The following SMCO4 variants were observed in gnomAD, a reference collection of about 807,000 sequenced individuals.
The protein encoded by SMCO4 is single-pass membrane and coiled-coil domain-containing protein 4.
SMCO4 carries 4 observed loss-of-function variants against 3.6 expected under a neutral mutation model. The observed-to-expected ratio is 1.11, with a 90% CI of 0.54 to 2.53. SMCO4 has a LOEUF of 2.53. Among genes scored for constraint, SMCO4 ranks in the 30% most tolerant of loss-of-function variants. The pLI, the probability that SMCO4 is intolerant of heterozygous loss-of-function variation, is 0.02. For missense variants in SMCO4, 70 were observed against 80.8 expected (o/e 0.87, Z 0.51); for synonymous variants, 36 against 35.3 (o/e 1.02, Z -0.07).
the SMCO4 span, among the ~76,000 whole-genome samples, chr11:93,550,049 T>A: frequency 1.3e-5 from 2 of 152,250 alleles, no homozygotes; most frequent in South Asian, 4.2e-4. Flanking sequence ...TACTGAAAAG[T>A]TCAACCCAAA....
chr11:93,518,822 A>C (rs749528560), intron 1 of SMCO4, among the ~76,000 whole-genome samples: 1 of 152,224 alleles, frequency 6.6e-6, no homozygotes, highest in Admixed American at 6.5e-5. Flanking sequence ...GTGACTGGCT[A>C]TAAGACTTTT....
intron 2 of SMCO4, among the ~76,000 whole-genome samples, chr11:93,484,502 T>A (rs951529175): frequency 1.9e-4 from 29 of 152,266 alleles, no homozygotes; most frequent in African/African-American, 6.5e-4. Context: ...CCGACTCTCC[T>A]CCTCTGTAAA....
chr11:93,498,712 A>G (rs1948803792), intron 2 of SMCO4, among the ~76,000 whole-genome samples: 1 of 152,268 alleles, frequency 6.6e-6, no homozygotes, highest in Non-Finnish European at 1.5e-5. Context: ...CTCAAAGATC[A>G]TAATGTATTT....
At chr11:93,486,008 G>A (rs1197472523) in intron 2 of SMCO4, among the ~76,000 whole-genome samples, 1 of 152,164 alleles carries the variant, frequency 6.6e-6, no homozygotes, top group Non-Finnish European at 1.5e-5. Context: ...CCAACTGAAT[G>A]AGGATTTGAA....
intron 2 of SMCO4, among the ~76,000 whole-genome samples, chr11:93,482,788 T>C (rs1948607485): frequency 6.6e-6 from 1 of 152,238 alleles, no homozygotes; most frequent in South Asian, 2.1e-4. Flanking sequence ...CAAGCCCCTC[T>C]GTCTTCCGGT....
At chr11:93,536,579 T>C (rs1211550280) in intron 1 of SMCO4, among the ~76,000 whole-genome samples, 2 of 152,084 alleles carry the variant, frequency 1.3e-5, no homozygotes, top group African/African-American at 2.4e-5. Context: ...AGGAAAACCA[T>C]AGTGTATTTG....
chr11:93,479,802 T>C (rs1948571037), intron 2 of SMCO4, among the ~76,000 whole-genome samples: 1 of 152,120 alleles, frequency 6.6e-6, no homozygotes, highest in Non-Finnish European at 1.5e-5. Flanking sequence ...CCTTGGCCCA[T>C]TCATCCAAAC....
intron 1 of SMCO4, among the ~76,000 whole-genome samples, chr11:93,500,083 T>C (rs1948819730): frequency 6.6e-6 from 1 of 152,230 alleles, no homozygotes; most frequent in Non-Finnish European, 1.5e-5. Context: ...CAAGACATAA[T>C]TGAGTAATGG....
intron 2 of SMCO4, among the ~76,000 whole-genome samples, chr11:93,490,458 T>C (rs1278446096): frequency 2.0e-5 from 3 of 152,152 alleles, no homozygotes; most frequent in African/African-American, 7.2e-5. Context: ...CAAACTGAAA[T>C]CAGAGTTTTA....
Position 93,497,168 on chromosome 11 carries a change from C to CT in SMCO4, c.-81+2107dup, listed in dbSNP as rs531814261. 1.1e-4 allele frequency among the ~76,000 whole-genome samples: 16 copies of CT among 152,274 alleles called. No homozygotes were observed. In the South Asian group the frequency reaches 2.9e-3, roughly 28 times the overall value. On this transcript the variant is annotated intron_variant, in intron 2 of 2. Coordinates refer to ENST00000298966, the MANE Select transcript of SMCO4 (RefSeq NM_020179.3). The stretch of plus-strand genomic sequence containing the variant: ...ATCAAAGGACAAATCAAAATGTCAC[C>CT]TGACAATCCACTTTCATTAAAAGTT...
intron 2 of SMCO4, among the ~76,000 whole-genome samples, chr11:93,486,889 A>G (rs534438138): frequency 6.6e-6 from 1 of 152,354 alleles, no homozygotes; most frequent in South Asian, 2.1e-4. Context: ...GTCTTCAGAA[A>G]AAAACAGTTG....
intron 1 of SMCO4, among the ~76,000 whole-genome samples, chr11:93,514,656 C>T (rs1948993203): frequency 6.6e-6 from 1 of 152,026 alleles, no homozygotes; most frequent in Non-Finnish European, 1.5e-5. Context: ...CCACTGCTAC[C>T]CCTTGCACAG....
chr11:93,509,297 GAAA>G (rs34599036), intron 1 of SMCO4, among the ~76,000 whole-genome samples: 1 of 140,600 alleles, frequency 7.1e-6, no homozygotes, highest in Non-Finnish European at 1.6e-5. Context: ...CTCAAAAATG[GAAA>G]AAAAAAAAAA....
chr11:93,528,981 C>T (rs1005088429), intron 1 of SMCO4, among the ~76,000 whole-genome samples: 17 of 152,128 alleles, frequency 1.1e-4, no homozygotes, highest in Admixed American at 6.5e-5. Context: ...CACCCCTGGG[C>T]ATAGGACAAG....
At chr11:93,516,082 T>A (rs569302150) in intron 1 of SMCO4, among the ~76,000 whole-genome samples, 1 of 152,190 alleles carries the variant, frequency 6.6e-6, no homozygotes, top group Non-Finnish European at 1.5e-5. Context: ...CTGCCTTGGA[T>A]TTTCTTGAGG....
In SMCO4 at chr11:93,478,711, A is replaced by C. The variant is rs967755942; in HGVS notation, c.*299T>G. On this transcript the variant is annotated 3_prime_UTR_variant, in exon 3 of 3. Transcript: ENST00000298966. Reference sequence around the variant, plus strand: ...TTATCGATTTTTAGGAGAGAAAAAGAAGCACACACACACACACACACACAC... The same window carrying C: ...TTATCGATTTTTAGGAGAGAAAAAGCAGCACACACACACACACACACACAC... The C allele has an allele frequency of 2.8e-5, 11 of 390,596 alleles. No homozygotes were observed. The East Asian group carries it at 5.3e-4, about 19-fold the overall frequency. 24.2% of individuals were successfully genotyped at this position (390,596 alleles called of 1,614,324 possible).
At chr11:93,529,815 T>G in intron 1 of SMCO4, among the ~76,000 whole-genome samples, 1 of 152,232 alleles carries the variant, frequency 6.6e-6, no homozygotes, top group East Asian at 1.9e-4. Flanking sequence ...CTGGAGTTCC[T>G]TCTTCTTTTT....
At chr11:93,508,142 C>T (rs1359229176) in intron 1 of SMCO4, among the ~76,000 whole-genome samples, 1 of 152,012 alleles carries the variant, frequency 6.6e-6, no homozygotes, top group Non-Finnish European at 1.5e-5. Flanking sequence ...GGGAATCTCA[C>T]TAATTTTTAA....
intron 1 of SMCO4, among the ~76,000 whole-genome samples, chr11:93,514,387 T>C (rs1481954969): frequency 6.7e-5 from 1 of 14,948 alleles, no homozygotes; most frequent in Admixed American, 3.5e-4. Flanking sequence ...TATATATATA[T>C]ATATATATAT....
Sources: allele counts gnomAD v4.1 joint callset (sites outside exome capture counted in the v4.1 genomes callset), GRCh38; gene constraint gnomAD v4.1.1; transcripts MANE v1.5; gene names NCBI Gene and HGNC (gene_info 2026-07-23, HGNC 2026-07-21).